Variants in PARD3B observed in about 807,000 individuals in gnomAD.
PARD3B encodes par-3 family cell polarity regulator beta.
PARD3B carries 103 observed loss-of-function variants against 130.2 expected under a neutral mutation model. That is an observed-to-expected ratio of 0.79 (90% CI 0.67 to 0.93). PARD3B has a LOEUF of 0.93. Among genes scored for constraint, PARD3B ranks in the 40% least tolerant of loss-of-function variants. PARD3B has a pLI of 0.00. For missense variants in PARD3B, 1,609 were observed against 1,499.2 expected (o/e 1.07, Z -1.21); for synonymous variants, 583 against 553.2 (o/e 1.05, Z -0.76).
At chr2:205,114,549 A>C (rs1206573489) in intron 6 of PARD3B, among the ~76,000 whole-genome samples, 1 of 152,144 alleles carries the variant, frequency 6.6e-6, no homozygotes, top group Non-Finnish European at 1.5e-5. Flanking sequence ...GTCATACAAA[A>C]TCCAGCTCTC....
intron 1 of PARD3B, among the ~76,000 whole-genome samples, chr2:204,596,916 C>T (rs1366103355): frequency 1.3e-5 from 2 of 151,176 alleles, no homozygotes; most frequent in Admixed American, 6.6e-5. Flanking sequence ...GAAACTCACT[C>T]ACTCTCTCTC....
At chr2:204,723,985 A>G (rs1281288736) in intron 2 of PARD3B, among the ~76,000 whole-genome samples, 8 of 152,184 alleles carry the variant, frequency 5.3e-5, no homozygotes, top group Non-Finnish European at 8.8e-5. Context: ...GCATAACACA[A>G]GAACATGAAA....
At chr2:204,933,216 C>A (rs906683520) in intron 2 of PARD3B, among the ~76,000 whole-genome samples, 47 of 152,102 alleles carry the variant, frequency 3.1e-4, no homozygotes, top group Non-Finnish European at 5.9e-4. Flanking sequence ...AATTACTTTA[C>A]AAGCTTTAGA....
At chr2:204,834,157 A>G (rs2043941992) in intron 2 of PARD3B, among the ~76,000 whole-genome samples, 1 of 152,090 alleles carries the variant, frequency 6.6e-6, no homozygotes, top group Non-Finnish European at 1.5e-5. Context: ...ATAATTTATA[A>G]CATTGTTTTC....
chr2:205,057,588 CG>C (rs1466662871), intron 4 of PARD3B, among the ~76,000 whole-genome samples: 2 of 106,166 alleles, frequency 1.9e-5, no homozygotes, highest in Non-Finnish European at 3.9e-5. Flanking sequence ...TATGTGTATA[CG>C]TATATATACA....
intron 1 of PARD3B, among the ~76,000 whole-genome samples, chr2:204,656,882 G>A (rs2035656355): frequency 1.3e-5 from 2 of 152,154 alleles, no homozygotes; most frequent in South Asian, 4.1e-4. Flanking sequence ...AGCAGCTCCT[G>A]TGTTATTTCA....
chr2:204,720,275 C>T (rs1012708728), intron 2 of PARD3B, among the ~76,000 whole-genome samples: 6 of 152,148 alleles, frequency 3.9e-5, no homozygotes, highest in Admixed American at 1.3e-4. Flanking sequence ...TCTGTTGCCA[C>T]GTGAGAATCC....
At chr2:204,979,738 C>A (rs967179863) in intron 3 of PARD3B, among the ~76,000 whole-genome samples, 2 of 152,122 alleles carry the variant, frequency 1.3e-5, no homozygotes, top group Non-Finnish European at 2.9e-5. Flanking sequence ...CAGATATAAT[C>A]ATTTGGCTTA....
At position 205,591,395 on chromosome 2, in the gene PARD3B, A is replaced by G. The variant is rs924426847; in HGVS notation, c.3261-24061A>G. ...AGAAAAGCACATGAGAAGTTATGGA[A>G]TCAAGAATAAATAAAAAGTTGGGGC... On this transcript the variant is annotated intron_variant, in intron 22 of 22. Coordinates refer to ENST00000406610, the MANE Select transcript of PARD3B (RefSeq NM_001302769.2). The surrounding 1 kb of genome is among the most constrained non-coding windows in gnomAD (Gnocchi z 4.2). 1.3e-5 allele frequency among the ~76,000 whole-genome samples: 2 copies of G among 152,212 alleles called. No homozygotes were observed. Among genetic ancestry groups the G allele is most frequent in the Non-Finnish European group, 2.9e-5 (2 of 68,046 alleles).
intron 2 of PARD3B, among the ~76,000 whole-genome samples, chr2:204,953,372 T>G (rs1689953355): frequency 6.6e-6 from 1 of 151,008 alleles, no homozygotes; most frequent in African/African-American, 2.4e-5. Flanking sequence ...AACAAAATTG[T>G]GTGTTATGCA....
At chr2:205,598,482 G>A (rs1264867230) in intron 22 of PARD3B, among the ~76,000 whole-genome samples, 1 of 152,006 alleles carries the variant, frequency 6.6e-6, no homozygotes, top group Non-Finnish European at 1.5e-5. Flanking sequence ...AATTCTTAGA[G>A]ACCTACAAAG....
intron 2 of PARD3B, among the ~76,000 whole-genome samples, chr2:204,772,923 G>T (rs1397851138): frequency 2.0e-5 from 3 of 151,918 alleles, no homozygotes; most frequent in African/African-American, 7.2e-5. Flanking sequence ...TCTGTTCCAA[G>T]CCCCAGCTCC....
intron 22 of PARD3B, among the ~76,000 whole-genome samples, chr2:205,574,824 T>C (rs986348734): frequency 3.0e-5 from 4 of 131,836 alleles, no homozygotes; most frequent in African/African-American, 5.7e-5. Context: ...TGGGGACTTA[T>C]AGAAGCTGCA....
chr2:204,918,583 TCCCGCCACTGCACTCCAG>T (rs1210836864), intron 2 of PARD3B, among the ~76,000 whole-genome samples: 1 of 134,882 alleles, frequency 7.4e-6, no homozygotes, highest in Non-Finnish European at 1.5e-5. Flanking sequence ...TGAGCCGAGA[TCCCGCCACTGCACTCCAG>T]CCTGGGCGAC....
At chr2:204,941,751 A>G (rs1195905320) in intron 2 of PARD3B, among the ~76,000 whole-genome samples, 1 of 152,144 alleles carries the variant, frequency 6.6e-6, no homozygotes, top group Non-Finnish European at 1.5e-5. Context: ...GACAGTGCAG[A>G]GTGTTGAAGA....
chr2:205,332,479 C>T (rs533217064), intron 18 of PARD3B, among the ~76,000 whole-genome samples: 75 of 152,126 alleles, frequency 4.9e-4, no homozygotes, highest in East Asian at 1.9e-3. Context: ...AGGGAGAAAG[C>T]GCTCTGGAGA....
At chr2:205,311,589 T>C (rs1410819891) in intron 18 of PARD3B, among the ~76,000 whole-genome samples, 1 of 152,224 alleles carries the variant, frequency 6.6e-6, no homozygotes, top group Non-Finnish European at 1.5e-5. Flanking sequence ...TAACTTTTTC[T>C]TTCAGATTTT....
At chr2:205,479,581 G>T (rs1559132762) in intron 20 of PARD3B, among the ~76,000 whole-genome samples, 1 of 152,190 alleles carries the variant, frequency 6.6e-6, no homozygotes, top group East Asian at 1.9e-4. Context: ...AGGAAAAAAT[G>T]CACCTGAATT....
At chr2:204,865,186 G>A (rs2045359056) in intron 2 of PARD3B, among the ~76,000 whole-genome samples, 1 of 152,136 alleles carries the variant, frequency 6.6e-6, no homozygotes, top group Non-Finnish European at 1.5e-5. Flanking sequence ...ATGTGAACTA[G>A]TACAACCACT....
Sources: allele counts gnomAD v4.1 joint callset (sites outside exome capture counted in the v4.1 genomes callset), GRCh38; gene constraint gnomAD v4.1.1; non-coding constraint Gnocchi (gnomAD v3.1); transcripts MANE v1.5; gene names NCBI Gene and HGNC (gene_info 2026-07-23, HGNC 2026-07-21).